Variants in MRPL12 observed in about 807,000 individuals in gnomAD.
MRPL12 encodes the protein mitochondrial ribosomal protein L12.
In MRPL12, 13 loss-of-function variants were observed where a neutral mutation model predicts 21.1. The observed-to-expected ratio is 0.62, with a 90% confidence interval of 0.40 to 0.98. The LOEUF is 0.98. Among genes scored for constraint, MRPL12 ranks in the 50% least tolerant of loss-of-function variants. The pLI is 0.00. For missense variants in MRPL12, 251 were observed against 268.6 expected (o/e 0.93, Z 0.46); for synonymous variants, 126 against 115.3 (o/e 1.09, Z -0.60).
In MRPL12 at chr17:81,704,654, G is replaced by A; in HGVS notation, c.283G>A (p.Val95Ile). 1.2e-6 allele frequency: 2 copies of A among 1,613,964 alleles called. No individual in the cohort carries two copies. The highest frequency in any genetic ancestry group is 1.7e-6 in the Non-Finnish European group (2 of 1,180,008). Residue 95 changes from valine (V) to isoleucine (I), a missense_variant, in exon 3 of 5, where the codon GTC becomes ATC. Coordinates refer to ENST00000333676, the MANE Select transcript of MRPL12 (RefSeq NM_002949.4). The part of the protein sequence containing the change: ...LLKKTLKIQD[V>I]GLVPMGGVMS... Reference sequence around the variant, plus strand: ...GCAGAAAACGTTGAAGATCCAGGATGTCGGGCTTGTGCCGATGGGTGGTGT... The same window carrying A: ...GCAGAAAACGTTGAAGATCCAGGATATCGGGCTTGTGCCGATGGGTGGTGT...
At position 81,703,499 on chromosome 17, in the gene MRPL12, C is replaced by T. The variant is rs2037277047; in HGVS notation, c.-3C>T. On this transcript the variant is annotated 5_prime_UTR_variant, in exon 1 of 5. Coordinates refer to ENST00000333676, the MANE Select transcript of MRPL12 (RefSeq NM_002949.4). ...CGCGTGTGACCTTCCAGCCCGCGGA[C>T]CGATGCTGCCGGCGGCCGCTCGCCC... The T allele has an allele frequency of 6.7e-7, 1 of 1,486,036 alleles. No individual in the cohort carries two copies. The highest frequency in any genetic ancestry group is 8.9e-7 in the Non-Finnish European group (1 of 1,124,270). 92.1% of individuals were successfully genotyped at this position (1,486,036 alleles called of 1,614,324 possible). A position where few individuals can be genotyped will look rare whatever the true frequency, so the allele number is the denominator to read the frequency against.
intron 3 of MRPL12, among the ~76,000 whole-genome samples, chr17:81,705,389 C>CA (rs758967615): frequency 0.13 from 8,325 of 62,826 alleles, 707 homozygotes; most frequent in African/African-American, 0.25. Flanking sequence ...GACCCTGTCT[C>CA]AAAAAAAAAA....
chr17:81,707,504 C>A lies in MRPL12; in HGVS notation c.*264C>A, dbSNP rs1320947333. The stretch of plus-strand genomic sequence containing the variant: ...CCTCTGGTGGCTGCTGAGAAAAATA[C>A]ACTGTGCAGCTCAGTGTGTGGAGTG... On this transcript the variant is annotated 3_prime_UTR_variant, in exon 5 of 5. Coordinates refer to ENST00000333676, the MANE Select transcript of MRPL12 (RefSeq NM_002949.4). 2 of 464,010 alleles carry A rather than the reference C, an allele frequency of 4.3e-6. No homozygotes were observed. The highest frequency in any genetic ancestry group is 7.5e-5 in the Admixed American group (2 of 26,534). The allele number at this position is 464,010 out of a possible 1,614,324, so 28.7% of individuals were successfully genotyped here.
intron 1 of MRPL12, 104 bp from the exon 2 acceptor site, chr17:81,704,140 G>C (rs752179121): frequency 2.5e-5 from 30 of 1,220,608 alleles, no homozygotes; most frequent in Non-Finnish European, 3.4e-5. Flanking sequence ...ACCAGCCTGA[G>C]CTTATGGCAC....
chr17:81,704,771 C>T (rs2037296612), intron 3 of MRPL12, 55 bp downstream of exon 3: 2 of 1,447,180 alleles, frequency 1.4e-6, no homozygotes, highest in Admixed American at 3.7e-5. Context: ...CCTGTGGCCT[C>T]ATGTGCCGTG....
At chr17:81,704,987 C>T (rs1336200238) in intron 3 of MRPL12, among the ~76,000 whole-genome samples, 8 of 152,086 alleles carry the variant, frequency 5.3e-5, no homozygotes, top group African/African-American at 1.9e-4. Flanking sequence ...GTAATCCCAG[C>T]GCTTCGGGAG....
At position 81,704,389 on chromosome 17, in the gene MRPL12, C is replaced by T. The variant is rs2037291256; in HGVS notation, c.220C>T (p.Leu74Phe). The T allele has an allele frequency of 6.2e-7, 1 of 1,613,418 alleles. No individual in the cohort carries two copies. Among genetic ancestry groups the T allele is most frequent in the Non-Finnish European group, 8.5e-7 (1 of 1,179,890 alleles). Reference protein sequence around the residue: ...IQQLVQDIASLTLLEISDLNE... With the variant: ...IQQLVQDIASFTLLEISDLNE... ...GCAGCTGGTCCAGGACATCGCCAGC[C>T]TCACTCTCTTGGAAATCTCAGACCT... is the stretch of plus-strand genomic sequence containing the variant. The change falls in exon 2 of 5, where the codon CTC becomes TTC. Residue 74 changes from leucine (L) to phenylalanine (F), a missense_variant. Physicochemically the swap from Leu to Phe is conservative, Grantham distance 22. Transcript: ENST00000333676.
Position 81,704,435 on chromosome 17 carries a change from C to T in MRPL12, c.261+5C>T, listed in dbSNP as rs767787425. 1.2e-5 allele frequency: 19 copies of T among 1,609,802 alleles called. No individual in the cohort carries two copies. The East Asian group carries it at 4.2e-4, about 36-fold the overall frequency. On this transcript the variant is annotated splice_donor_5th_base_variant and intron_variant, in intron 2 of 4. Coordinates refer to ENST00000333676, the MANE Select transcript of MRPL12 (RefSeq NM_002949.4). The stretch of plus-strand genomic sequence containing the variant: ...GACCTCAACGAGCTCCTGAAGGTAT[C>T]GTGAGAGGGTGGCACAGACCCAGGG...
intron 1 of MRPL12, 97 bp downstream of exon 1, chr17:81,703,672 C>T: frequency 8.7e-7 from 1 of 1,152,692 alleles, no homozygotes; most frequent in East Asian, 3.2e-5. Context: ...GCGGGGCCGG[C>T]CTCCCTGCAG....
In MRPL12 at chr17:81,704,444, G is replaced by A. The variant is rs1257504433; in HGVS notation, c.261+14G>A. ...GAGCTCCTGAAGGTATCGTGAGAGG[G>A]TGGCACAGACCCAGGGGCTGGAAGT... is the stretch of plus-strand genomic sequence containing the variant. On this transcript the variant is annotated intron_variant, in intron 2 of 4. Transcript: ENST00000333676. The A allele has an allele frequency of 5.0e-6, 8 of 1,608,522 alleles. No individual in the cohort carries two copies. Among genetic ancestry groups the A allele is most frequent in the Non-Finnish European group, 6.8e-6 (8 of 1,176,768 alleles).
intron 1 of MRPL12, among the ~76,000 whole-genome samples, 160 bp downstream of exon 1, chr17:81,703,735 G>C (rs887251784): frequency 1.3e-5 from 2 of 152,190 alleles, no homozygotes; most frequent in African/African-American, 4.8e-5. Flanking sequence ...GAGGCCTCCC[G>C]GTGCGCACGC....
rs375149246 is a variant in MRPL12, at chr17:81,707,106, C to T, written c.481-18C>T. On this transcript the variant is annotated intron_variant, in intron 4 of 4. Coordinates refer to ENST00000333676, the MANE Select transcript of MRPL12 (RefSeq NM_002949.4). The stretch of plus-strand genomic sequence containing the variant: ...GGTGGCCAGGGCCCCCAGTCCCTGA[C>T]TTTGCTCTCTCTGGCAGGCAAAGAA... The T allele has an allele frequency of 1.9e-6, 3 of 1,613,842 alleles. No homozygotes were observed. Among genetic ancestry groups the T allele is most frequent in the Admixed American group, 3.3e-5 (2 of 60,006 alleles).
At chr17:81,704,911 C>T (rs59281201) in intron 3 of MRPL12, among the ~76,000 whole-genome samples, 195 bp downstream of exon 3, 1 of 152,222 alleles carries the variant, frequency 6.6e-6, no homozygotes, top group Non-Finnish European at 1.5e-5. Context: ...GACCATGTTT[C>T]TAATGGAGGG....
At chr17:81,704,213 C>G in intron 1 of MRPL12, 31 bp from the exon 2 acceptor site, 2 of 1,582,522 alleles carry the variant, frequency 1.3e-6, no homozygotes, top group Non-Finnish European at 1.7e-6. Context: ...CCAGGACTGA[C>G]AAGTCTGTTT....
chr17:81,706,627 A>G (rs1439209933), intron 3 of MRPL12, among the ~76,000 whole-genome samples: 4 of 151,984 alleles, frequency 2.6e-5, no homozygotes, highest in African/African-American at 9.7e-5. Flanking sequence ...AATCGCTTGA[A>G]CCCAGGAGGT....
At position 81,704,656 on chromosome 17, in the gene MRPL12, C is replaced by T. The variant is rs74006103; in HGVS notation, c.285C>T (p.Val95=). ...LLKKTLKIQD[V]GLVPMGGVMS... ...AGAAAACGTTGAAGATCCAGGATGT[C>T]GGGCTTGTGCCGATGGGTGGTGTGA... The change falls in exon 3 of 5, where the codon GTC becomes GTT. Residue 95 remains valine (V), a synonymous_variant. Coordinates refer to ENST00000333676, the MANE Select transcript of MRPL12 (RefSeq NM_002949.4). 425 of 1,613,894 alleles carry T rather than the reference C, an allele frequency of 2.6e-4. No homozygotes were observed. The highest frequency in any genetic ancestry group is 3.2e-4 in the Non-Finnish European group (382 of 1,179,982).
chr17:81,707,398 C>T lies in MRPL12; in HGVS notation c.*158C>T, dbSNP rs1421190106. ...GCGGGGCCGGACAGGCCGCACAGAC[C>T]TACTGTGGCGGGAGGGAGGGGCGGC... On this transcript the variant is annotated 3_prime_UTR_variant, in exon 5 of 5. Coordinates refer to ENST00000333676, the MANE Select transcript of MRPL12 (RefSeq NM_002949.4). 2.3e-5 allele frequency: 17 copies of T among 726,356 alleles called. No individual in the cohort carries two copies. Among genetic ancestry groups the T allele is most frequent in the Non-Finnish European group, 3.5e-5 (16 of 457,900 alleles). The allele number at this position is 726,356 out of a possible 1,614,324, so 45.0% of individuals were successfully genotyped here. A position where few individuals can be genotyped will look rare whatever the true frequency, so the allele number is the denominator to read the frequency against.
rs777995251 is a variant in MRPL12, at chr17:81,704,273, G to C, written c.104G>C (p.Arg35Pro). The change falls in exon 2 of 5, where the codon CGA becomes CCA. Residue 35 changes from arginine to proline, a missense_variant. Arg to Pro is a moderately radical substitution (Grantham distance 103). Transcript: ENST00000333676. ...CAGGTGCCATGTGTCTGTGCCGTGC[G>C]ACATATGAGGAGCAGCGGCCATCAG... ...RRQVPCVCAV[R>P]HMRSSGHQRC... 1 of 1,612,294 alleles carries C rather than the reference G, an allele frequency of 6.2e-7. No individual in the cohort carries two copies. Among genetic ancestry groups the C allele is most frequent in the African/African-American group, 1.3e-5 (1 of 74,958 alleles).
Position 81,704,264 on chromosome 17 carries a change from G to C in MRPL12, c.95G>C (p.Cys32Ser), listed in dbSNP as rs1174889688. The C allele has an allele frequency of 1.1e-5, 17 of 1,611,042 alleles. No homozygotes were observed. Among genetic ancestry groups the C allele is most frequent in the Admixed American group, 1.7e-5 (1 of 59,722 alleles). ...GCTAGGCGACAGGTGCCATGTGTCT[G>C]TGCCGTGCGACATATGAGGAGCAGC... ...RLARRQVPCV[C>S]AVRHMRSSGH... Residue 32 changes from cysteine to serine, a missense_variant, in exon 2 of 5, where the codon TGT (cysteine) becomes TCT (serine). Coordinates refer to ENST00000333676, the MANE Select transcript of MRPL12 (RefSeq NM_002949.4).
Sources: allele counts gnomAD v4.1 joint callset (sites outside exome capture counted in the v4.1 genomes callset), GRCh38; gene constraint gnomAD v4.1.1; transcripts MANE v1.5; gene names NCBI Gene and HGNC (gene_info 2026-07-23, HGNC 2026-07-21).